DENND1B: variants seen among roughly 807,000 people sequenced by gnomAD.
The protein encoded by DENND1B is DENN domain-containing protein 1B.
Under a neutral mutation model 90.1 loss-of-function variants are expected in DENND1B, and 59 were observed. The ratio of observed to expected loss-of-function variants is 0.65; its 90% CI spans 0.53 to 0.81. DENND1B has a LOEUF of 0.81. Ranked by LOEUF, DENND1B falls within the 40% of genes least tolerant of loss-of-function variation. The probability of loss-of-function intolerance (pLI) is 0.00; values close to 1 mark genes in which losing one functional copy is unlikely to be tolerated. For missense variants in DENND1B, 862 were observed against 912.6 expected (o/e 0.94, Z 0.71); for synonymous variants, 337 against 324.6 (o/e 1.04, Z -0.41).
chr1:197,572,601 C>G (rs888911627), intron 15 of DENND1B, among the ~76,000 whole-genome samples: 1 of 152,212 alleles, frequency 6.6e-6, no homozygotes, highest in African/African-American at 2.4e-5. Flanking sequence ...AATGGACAGA[C>G]TGCCTCCTCA....
chr1:197,719,533 G>A (rs552256889), intron 2 of DENND1B, among the ~76,000 whole-genome samples: 5 of 152,346 alleles, frequency 3.3e-5, no homozygotes, highest in Admixed American at 2.0e-4. Flanking sequence ...GTAGTAGGTA[G>A]TTCTCTAAAG....
At chr1:197,715,675 G>A (rs1037941875) in intron 2 of DENND1B, among the ~76,000 whole-genome samples, 1 of 151,612 alleles carries the variant, frequency 6.6e-6, no homozygotes, top group Non-Finnish European at 1.5e-5. Flanking sequence ...GCATTTCACA[G>A]AAATTTTTCT....
intron 2 of DENND1B, among the ~76,000 whole-genome samples, chr1:197,733,021 T>G (rs1325354256): frequency 6.6e-6 from 1 of 152,184 alleles, no homozygotes; most frequent in African/African-American, 2.4e-5. Flanking sequence ...GTCCTACTTC[T>G]TTATTTCTAT....
intron 2 of DENND1B, among the ~76,000 whole-genome samples, chr1:197,724,749 T>C (rs1383999310): frequency 1.3e-5 from 2 of 152,000 alleles, no homozygotes; most frequent in African/African-American, 2.4e-5. Flanking sequence ...TGTTATACAA[T>C]AACATAACTC....
chr1:197,604,374 A>G (rs1187228505), intron 13 of DENND1B, among the ~76,000 whole-genome samples: 2 of 151,280 alleles, frequency 1.3e-5, no homozygotes, highest in Non-Finnish European at 3.0e-5. Flanking sequence ...CGGAACTGCT[A>G]CTGGCATGGT....
intron 10 of DENND1B, among the ~76,000 whole-genome samples, chr1:197,624,552 A>G (rs1678476252): frequency 6.6e-6 from 1 of 151,754 alleles, no homozygotes; most frequent in South Asian, 2.1e-4. Flanking sequence ...TGAACCATGA[A>G]AAAATTAATT....
At chr1:197,544,653 C>T (rs1004480940) in intron 18 of DENND1B, among the ~76,000 whole-genome samples, 14 of 150,374 alleles carry the variant, frequency 9.3e-5, no homozygotes, top group African/African-American at 3.4e-4. Flanking sequence ...AATACACTAA[C>T]ATTAACACAA....
chr1:197,752,758 G>T (rs920408179), intron 2 of DENND1B, among the ~76,000 whole-genome samples: 2 of 151,740 alleles, frequency 1.3e-5, no homozygotes, highest in African/African-American at 2.4e-5. Flanking sequence ...TCATCATTTA[G>T]GTATATCACC....
At chr1:197,774,347 GAGA>G (rs1305006402) in intron 1 of DENND1B, 1 of 152,104 alleles carries the variant, frequency 6.6e-6, no homozygotes, top group African/African-American at 2.4e-5. Flanking sequence ...TAAACTTTTT[GAGA>G]AGGAGATAGT....
intron 11 of DENND1B, among the ~76,000 whole-genome samples, chr1:197,616,738 T>A (rs1197541362): frequency 1.3e-5 from 2 of 151,120 alleles, no homozygotes; most frequent in African/African-American, 4.8e-5. Context: ...AATGAGTGCA[T>A]TGATTCTAAA....
intron 2 of DENND1B, among the ~76,000 whole-genome samples, chr1:197,749,511 AG>A (rs1471450998): frequency 1.3e-5 from 2 of 152,158 alleles, no homozygotes; most frequent in Non-Finnish European, 2.9e-5. Flanking sequence ...AAATGCTGAA[AG>A]AAAAAAACTA....
At chr1:197,552,165 T>G in intron 16 of DENND1B, 1 of 932,596 alleles carries the variant, frequency 1.1e-6, no homozygotes, top group Non-Finnish European at 1.3e-6. Context: ...TATTTACATA[T>G]AGACTGAAGT....
intron 10 of DENND1B, among the ~76,000 whole-genome samples, chr1:197,631,216 A>G (rs991436625): frequency 3.3e-5 from 5 of 152,172 alleles, no homozygotes; most frequent in African/African-American, 1.2e-4. Context: ...ATGAAGGGTT[A>G]GGATATGGTT....
At chr1:197,668,092 TAC>T (rs1655123413) in intron 5 of DENND1B, among the ~76,000 whole-genome samples, 1 of 152,220 alleles carries the variant, frequency 6.6e-6, no homozygotes, top group African/African-American at 2.4e-5. Context: ...TACATTTACA[TAC>T]ACATATAACT....
rs1667796737 is a variant in DENND1B, at chr1:197,507,806, C to A, written c.*2654G>T. On this transcript the variant is annotated 3_prime_UTR_variant, in exon 23 of 23. Transcript: ENST00000620048. ...TATAACCACCATAATACTAGGAAGT[C>A]TAAGTTTAAGAGCAGACTTTGAATA... 1 of 151,538 alleles carries A rather than the reference C, an allele frequency of 6.6e-6. No homozygotes were observed. Among genetic ancestry groups the A allele is most frequent in the African/African-American group, 2.4e-5 (1 of 41,346 alleles). 9.4% of individuals were successfully genotyped at this position (151,538 alleles called of 1,614,324 possible).
At position 197,530,092 on chromosome 1, in the gene DENND1B, C is replaced by A. The variant is rs532369599; in HGVS notation, c.1515+9872G>T. On this transcript the variant is annotated intron_variant, in intron 20 of 22. Transcript: ENST00000620048. ...ATCAACAAAACGAGCAACAGCCATA[C>A]TAATTAGCAGACCAGCACACAAATT... Among the ~76,000 whole-genome samples, 3 of 152,276 alleles carry A rather than the reference C, an allele frequency of 2.0e-5. No homozygotes were observed. The East Asian group carries it at 5.8e-4, about 29-fold the overall frequency.
chr1:197,625,866 G>C (rs1418102845), intron 10 of DENND1B, among the ~76,000 whole-genome samples: 1 of 152,068 alleles, frequency 6.6e-6, no homozygotes, highest in Non-Finnish European at 1.5e-5. Context: ...GGCAGAGGTT[G>C]CAATCCTAGT....
At chr1:197,759,333 A>C (rs1003500541) in intron 2 of DENND1B, among the ~76,000 whole-genome samples, 1 of 151,464 alleles carries the variant, frequency 6.6e-6, no homozygotes, top group African/African-American at 2.4e-5. Context: ...TAATAAAAAG[A>C]AGCAAAATAC....
chr1:197,762,004 T>C (rs954422406), intron 2 of DENND1B: 1 of 152,204 alleles, frequency 6.6e-6, no homozygotes, highest in Non-Finnish European at 1.5e-5. Context: ...CAATTTTTTT[T>C]AAGATTTAAG....
Sources: allele counts gnomAD v4.1 joint callset (sites outside exome capture counted in the v4.1 genomes callset), GRCh38; gene constraint gnomAD v4.1.1; transcripts MANE v1.5; gene names NCBI Gene and HGNC (gene_info 2026-07-23, HGNC 2026-07-21).